The following WDR19 variants were observed in gnomAD, a reference collection of about 807,000 sequenced individuals.
WDR19 encodes the protein WD repeat-containing protein 19.
Under a neutral mutation model 180.0 loss-of-function variants are expected in WDR19, and 121 were observed. That is an observed-to-expected ratio of 0.67 (90% CI 0.58 to 0.78). The LOEUF (loss-of-function observed/expected upper bound fraction) is 0.78. Ranked by LOEUF, WDR19 falls within the 30% of genes least tolerant of loss-of-function variation. The probability of loss-of-function intolerance (pLI) is 0.00; values close to 1 mark genes in which losing one functional copy is unlikely to be tolerated. For synonymous variants in WDR19, 497 were observed against 540.7 expected (o/e 0.92, Z 1.12); for missense variants, 1,450 against 1,640.7 (o/e 0.88, Z 2.01).
chr4:39,276,639 C>A (rs940878330), intron 33 of WDR19, among the ~76,000 whole-genome samples: 2 of 152,180 alleles, frequency 1.3e-5, no homozygotes, highest in African/African-American at 4.8e-5. Context: ...TTCTATTGGA[C>A]GGTGCTGGTA....
intron 17 of WDR19, 78 bp from the exon 18 acceptor site, chr4:39,231,719 A>T: frequency 7.5e-7 from 1 of 1,326,678 alleles, no homozygotes; most frequent in Non-Finnish European, 1.0e-6. Context: ...GCACGCTATT[A>T]GATGACATGT....
In WDR19 at chr4:39,228,579, G is replaced by A. The variant is rs1730531255; in HGVS notation, c.1871G>A (p.Ser624Asn). Reference sequence around the variant, plus strand: ...GGAGAGCTGACCTGCCAAACACAGAGTGGAAAAGTAAACAACATCTACCTT... The same window carrying A: ...GGAGAGCTGACCTGCCAAACACAGAATGGAAAAGTAAACAACATCTACCTT... The part of the protein sequence containing the change: ...YNGELTCQTQ[S>N]GKVNNIYLST... Residue 624 changes from serine (S) to asparagine (N), a missense_variant, in exon 17 of 37, where the codon AGT becomes AAT. Ser to Asn is a conservative substitution (Grantham distance 46). Coordinates refer to ENST00000399820, the MANE Select transcript of WDR19 (RefSeq NM_025132.4). 3.1e-6 allele frequency: 5 copies of A among 1,613,886 alleles called. No individual in the cohort carries two copies. The highest frequency in any genetic ancestry group is 3.4e-6 in the Non-Finnish European group (4 of 1,179,830).
chr4:39,231,287 C>G (rs911553864), intron 17 of WDR19, among the ~76,000 whole-genome samples: 1 of 148,528 alleles, frequency 6.7e-6, no homozygotes, highest in Non-Finnish European at 1.5e-5. Context: ...CTCCACCCAC[C>G]CTGGGCAACA....
chr4:39,189,949 A>G (rs1278419316), intron 4 of WDR19, among the ~76,000 whole-genome samples, 168 bp downstream of exon 4: 3 of 152,222 alleles, frequency 2.0e-5, no homozygotes, highest in African/African-American at 7.2e-5. Flanking sequence ...AAATTGTTAT[A>G]ACTGTGAATT....
chr4:39,189,782 G>T lies in WDR19; in HGVS notation c.290+1G>T, dbSNP rs754196748. ...CCAGCCAGTTAGACAATGGCATGAG[G>T]TAAGATAACTTTTTAATTTTTTAAA... On this transcript the variant is annotated splice_donor_variant, in intron 4 of 36. Transcript: ENST00000399820. LOFTEE classifies it high-confidence loss of function. The T allele has an allele frequency of 1.3e-6, 2 of 1,591,240 alleles. No homozygotes were observed. The highest frequency in any genetic ancestry group is 1.7e-6 in the Non-Finnish European group (2 of 1,173,512).
At chr4:39,205,084 G>A (rs1430337154) in intron 7 of WDR19, 70 bp from the exon 8 acceptor site, 9 of 1,116,384 alleles carry the variant, frequency 8.1e-6, no homozygotes, top group Middle Eastern at 2.6e-4. Flanking sequence ...TCAGCTGTTG[G>A]ATTTGCTTAA....
intron 4 of WDR19, among the ~76,000 whole-genome samples, chr4:39,190,590 C>A (rs563180389): frequency 1.3e-5 from 2 of 152,134 alleles, no homozygotes; most frequent in Non-Finnish European, 2.9e-5. Flanking sequence ...ATCATATACA[C>A]GCTATGAGAC....
chr4:39,273,097 C>T (rs745907147), intron 32 of WDR19, 36 bp downstream of exon 32: 4 of 1,501,192 alleles, frequency 2.7e-6, no homozygotes, highest in Non-Finnish European at 3.6e-6. Flanking sequence ...ACCCATGCCC[C>T]ATGCCCCATG....
At chr4:39,196,315 TCC>T (rs1726743203) in intron 5 of WDR19, among the ~76,000 whole-genome samples, 1 of 152,182 alleles carries the variant, frequency 6.6e-6, no homozygotes, top group African/African-American at 2.4e-5. Context: ...GACTCATACC[TCC>T]AACGCTTACT....
chr4:39,252,325 A>G (rs1577997326), intron 24 of WDR19, among the ~76,000 whole-genome samples: 1 of 129,562 alleles, frequency 7.7e-6, no homozygotes, highest in South Asian at 2.6e-4. Context: ...ACATAGACAC[A>G]GGAAGGGGAA....
intron 24 of WDR19, among the ~76,000 whole-genome samples, chr4:39,250,695 C>T (rs1733068817): frequency 6.6e-6 from 1 of 152,168 alleles, no homozygotes; most frequent in South Asian, 2.1e-4. Context: ...AAATCACAAG[C>T]ATTCTTATAC....
At chr4:39,239,408 A>T (rs1731686715) in intron 20 of WDR19, among the ~76,000 whole-genome samples, 3 of 151,644 alleles carry the variant, frequency 2.0e-5, no homozygotes, top group Non-Finnish European at 4.4e-5. Context: ...AGATTCCCTC[A>T]ATATATATTC....
chr4:39,186,421 G>A (rs1725545038), intron 2 of WDR19, 118 bp from the exon 3 acceptor site: 1 of 616,220 alleles, frequency 1.6e-6, no homozygotes, highest in Non-Finnish European at 2.4e-6. Context: ...GGAGGTTGCA[G>A]TGAGCCAAGA....
At chr4:39,243,779 T>C (rs1732214793) in intron 21 of WDR19, among the ~76,000 whole-genome samples, 1 of 152,172 alleles carries the variant, frequency 6.6e-6, no homozygotes, top group African/African-American at 2.4e-5. Flanking sequence ...ATCTTACTAG[T>C]AGAGATTAGT....
chr4:39,230,945 G>A (rs1012220126), intron 17 of WDR19, among the ~76,000 whole-genome samples: 19 of 152,094 alleles, frequency 1.2e-4, no homozygotes, highest in African/African-American at 3.9e-4. Context: ...CAAGCTTTAC[G>A]GGCCATAGGG....
At chr4:39,248,150 T>C (rs1308153887) in intron 24 of WDR19, among the ~76,000 whole-genome samples, 5 of 152,214 alleles carry the variant, frequency 3.3e-5, no homozygotes, top group Non-Finnish European at 5.9e-5. Context: ...TAACAGCTGA[T>C]CTCTTGGCAG....
chr4:39,284,331 A>ATTTTT (rs143848496), intron 36 of WDR19, among the ~76,000 whole-genome samples: 18 of 91,534 alleles, frequency 2.0e-4, no homozygotes, highest in East Asian at 2.8e-4. Context: ...AGTAAAAAAA[A>ATTTTT]TTTTTTTTTT....
At chr4:39,254,259 G>T (rs998816274) in intron 26 of WDR19, among the ~76,000 whole-genome samples, 1 of 152,050 alleles carries the variant, frequency 6.6e-6, no homozygotes, top group Admixed American at 6.6e-5. Flanking sequence ...AAAATTAAGG[G>T]TTTTTCTGTG....
chr4:39,253,710 C>G (rs1405100998), intron 25 of WDR19, among the ~76,000 whole-genome samples, 196 bp from the exon 26 acceptor site: 1 of 150,792 alleles, frequency 6.6e-6, no homozygotes, highest in Non-Finnish European at 1.5e-5. Context: ...ACCCAGGAGG[C>G]GGAGGCTGCA....
Sources: gnomAD v4.1 joint callset for allele counts (sites outside exome capture counted in the v4.1 genomes callset) on GRCh38, gnomAD v4.1.1 for gene constraint, MANE v1.5 for transcripts, NCBI Gene and HGNC (gene_info 2026-07-23, HGNC 2026-07-21) for gene names.